Variants in ERC1 observed in about 807,000 individuals in gnomAD.
ERC1 encodes the protein ELKS/RAB6-interacting/CAST family member 1, also known as RAB6 interacting protein 2.
ERC1 carries 56 observed loss-of-function variants against 132.0 expected under a neutral mutation model. The ratio of observed to expected loss-of-function variants is 0.42; its 90% CI spans 0.34 to 0.53. The LOEUF is 0.53. Among genes scored for constraint, ERC1 ranks in the 20% least tolerant of loss-of-function variants. The probability of loss-of-function intolerance (pLI) is 0.03; values close to 1 mark genes in which losing one functional copy is unlikely to be tolerated. For synonymous variants in ERC1, 478 were observed against 476.1 expected (o/e 1.00, Z -0.05); for missense variants, 1,202 against 1,349.9 (o/e 0.89, Z 1.72).
rs112251784 is a variant in ERC1 at position 1,255,811 on chromosome 12, AT to A, written c.2488-7214del. On this transcript the variant is annotated intron_variant, in intron 13 of 18. Coordinates refer to ENST00000360905, the MANE Select transcript of ERC1 (RefSeq NM_178040.4). The stretch of plus-strand genomic sequence containing the variant: ...CCACTCCTGGCTAATTTTTTTTTGT[AT>A]TTTTTTTTAGTAGAGACGGGGTTTC... Among the ~76,000 whole-genome samples, 301 of 145,970 alleles carry A rather than the reference AT, an allele frequency of 2.1e-3. 4 individuals carry two copies. The highest frequency in any genetic ancestry group is 3.5e-3 in the Middle Eastern group (1 of 286).
At chr12:1,213,601 G>T (rs1455546990) in intron 12 of ERC1, among the ~76,000 whole-genome samples, 1 of 151,968 alleles carries the variant, frequency 6.6e-6, no homozygotes, top group Middle Eastern at 3.2e-3. Flanking sequence ...CCTGGTTGTG[G>T]TGGTGGGCAC....
chr12:1,418,539 G>T (rs1248828160), intron 17 of ERC1, among the ~76,000 whole-genome samples: 2 of 151,730 alleles, frequency 1.3e-5, no homozygotes, highest in South Asian at 4.2e-4. Flanking sequence ...ATCATACACA[G>T]ATTTCCTTCT....
chr12:1,267,185 T>C (rs2154328678), intron 14 of ERC1, among the ~76,000 whole-genome samples: 1 of 152,330 alleles, frequency 6.6e-6, no homozygotes, highest in South Asian at 2.1e-4. Context: ...TGTGAGCAAA[T>C]TGGAAGATGG....
intron 1 of ERC1, among the ~76,000 whole-genome samples, chr12:1,009,219 G>A (rs1048757810): frequency 2.0e-5 from 3 of 151,222 alleles, no homozygotes; most frequent in African/African-American, 7.3e-5. Flanking sequence ...CTGTCGCCCA[G>A]GCTGGAGTGC....
chr12:1,366,814 A>C (rs1480473066), intron 15 of ERC1, among the ~76,000 whole-genome samples: 8 of 152,162 alleles, frequency 5.3e-5, no homozygotes, highest in Admixed American at 5.2e-4. Context: ...GGCTCTATTA[A>C]CATTAAAAGG....
At chr12:1,389,552 T>G (rs1462700154) in intron 16 of ERC1, among the ~76,000 whole-genome samples, 2 of 152,370 alleles carry the variant, frequency 1.3e-5, no homozygotes, top group Admixed American at 1.3e-4. Flanking sequence ...CTAGGAGTTT[T>G]TATGCAGTTC....
chr12:1,237,833 T>C (rs961286824), intron 13 of ERC1, among the ~76,000 whole-genome samples: 1 of 152,166 alleles, frequency 6.6e-6, no homozygotes, highest in African/African-American at 2.4e-5. Context: ...CACTGCCAGA[T>C]TGTTTTTCTC....
chr12:1,118,749 G>A (rs1011339286), intron 7 of ERC1, among the ~76,000 whole-genome samples: 2 of 152,196 alleles, frequency 1.3e-5, no homozygotes, highest in Non-Finnish European at 2.9e-5. Flanking sequence ...AAGTTTTCAT[G>A]TGTTTCTATA....
intron 1 of ERC1, among the ~76,000 whole-genome samples, chr12:1,004,907 G>A (rs1193708660): frequency 4.0e-5 from 6 of 150,936 alleles, no homozygotes; most frequent in African/African-American, 1.5e-4. Flanking sequence ...TCAGGTTGCT[G>A]AACTTTTCAA....
At chr12:1,412,072 G>A (rs536449503) in intron 17 of ERC1, among the ~76,000 whole-genome samples, 6 of 152,258 alleles carry the variant, frequency 3.9e-5, no homozygotes, top group Admixed American at 6.5e-5. Context: ...CATAACTGGC[G>A]TTTCTATGAT....
intron 18 of ERC1, 63 bp downstream of exon 18, chr12:1,444,813 G>A (rs751941139): frequency 6.8e-7 from 1 of 1,475,034 alleles, no homozygotes; most frequent in African/African-American, 1.4e-5. Context: ...GTAGGTTGAT[G>A]CAGTGGGGGC....
At chr12:1,121,015 C>T (rs1947025517) in intron 7 of ERC1, among the ~76,000 whole-genome samples, 1 of 152,126 alleles carries the variant, frequency 6.6e-6, no homozygotes, top group Non-Finnish European at 1.5e-5. Context: ...AGAGATCATC[C>T]AGTCTTTCCG....
chr12:1,149,186 T>C (rs1017009000), intron 8 of ERC1, among the ~76,000 whole-genome samples: 1 of 152,198 alleles, frequency 6.6e-6, no homozygotes, highest in Admixed American at 6.5e-5. Flanking sequence ...GTAATCTTTT[T>C]TTCTTGGTAA....
chr12:1,467,030 T>C (rs189521678), intron 18 of ERC1, among the ~76,000 whole-genome samples: 12 of 152,338 alleles, frequency 7.9e-5, no homozygotes, highest in African/African-American at 2.6e-4. Flanking sequence ...TAAAGTGCAA[T>C]GATGCTTAAT....
At chr12:1,217,746 C>T (rs1202061798) in intron 12 of ERC1, among the ~76,000 whole-genome samples, 1 of 152,208 alleles carries the variant, frequency 6.6e-6, no homozygotes, top group African/African-American at 2.4e-5. Context: ...CGTATGGCCT[C>T]ACACTTCCTT....
intron 18 of ERC1, among the ~76,000 whole-genome samples, chr12:1,466,039 G>C (rs1354301191): frequency 6.6e-6 from 1 of 152,194 alleles, no homozygotes; most frequent in East Asian, 1.9e-4. Context: ...AAACTGATAT[G>C]AAATGGTGGT....
At chr12:1,218,655 TC>T (rs776628087) in intron 12 of ERC1, among the ~76,000 whole-genome samples, 1 of 152,048 alleles carries the variant, frequency 6.6e-6, no homozygotes, top group Non-Finnish European at 1.5e-5. Flanking sequence ...CCTTTCAGCA[TC>T]ATTCTACACA....
rs376730135 is a variant in ERC1 at position 1,313,516 on chromosome 12, C to T, written c.2780+23504C>T. ...ATTCTATCTATCCTAGATAGACTTA[C>T]AAGGCTAGAATAAGACCTTTAGAGG... On this transcript the variant is annotated intron_variant, in intron 15 of 18. Coordinates refer to ENST00000360905, the MANE Select transcript of ERC1 (RefSeq NM_178040.4). 3.9e-5 allele frequency among the ~76,000 whole-genome samples: 6 copies of T among 151,942 alleles called. No individual in the cohort carries two copies. The East Asian group carries it at 7.7e-4, about 20-fold the overall frequency.
chr12:1,341,070 T>A (rs866678363), intron 15 of ERC1, among the ~76,000 whole-genome samples: 18 of 7,462 alleles, frequency 2.4e-3, no homozygotes, highest in South Asian at 5.9e-3. Context: ...TTTCTTTTTC[T>A]TTTTTTTTTT....
Sources: allele counts gnomAD v4.1 joint callset (sites outside exome capture counted in the v4.1 genomes callset), GRCh38; gene constraint gnomAD v4.1.1; transcripts MANE v1.5; gene names NCBI Gene and HGNC (gene_info 2026-07-23, HGNC 2026-07-21).